Variants in TET2 observed in about 807,000 individuals in gnomAD.
TET2 encodes methylcytosine dioxygenase TET2.
Under a neutral mutation model 142.9 loss-of-function variants are expected in TET2, and 299 were observed. The ratio of observed to expected loss-of-function variants is 2.09; its 90% CI spans 1.90 to 2.30. The LOEUF (loss-of-function observed/expected upper bound fraction) is 2.30, where lower values mean the gene tolerates loss of function less well. Ranked by LOEUF, TET2 falls within the 30% of genes most tolerant of loss-of-function variation. TET2 has a pLI of 0.00. For synonymous variants in TET2, 819 were observed against 849.0 expected (o/e 0.96, Z 0.61); for missense variants, 2,418 against 2,378.0 (o/e 1.02, Z -0.35).
intron 9 of TET2, among the ~76,000 whole-genome samples, chr4:105,270,867 G>T (rs1232303632): frequency 6.6e-6 from 1 of 152,102 alleles, no homozygotes; most frequent in African/African-American, 2.4e-5. Flanking sequence ...TGAGAATATG[G>T]AAACAGATAT....
intron 1 of TET2, chr4:105,171,642 T>C (rs1724473400): frequency 6.6e-6 from 1 of 152,210 alleles, no homozygotes; most frequent in African/African-American, 2.4e-5. Context: ...GATGCAACTC[T>C]TGAGCTACAA....
chr4:105,273,372 C>CT (rs755936514), intron 10 of TET2, among the ~76,000 whole-genome samples: 7 of 152,120 alleles, frequency 4.6e-5, no homozygotes, highest in Non-Finnish European at 1.0e-4. Context: ...TAAACAGCAA[C>CT]TTTTTTTAAC....
At chr4:105,226,627 G>C (rs531960183) in intron 2 of TET2, among the ~76,000 whole-genome samples, 3 of 149,112 alleles carry the variant, frequency 2.0e-5, no homozygotes, top group African/African-American at 7.5e-5. Flanking sequence ...CCCTCCCTCT[G>C]TCCTTCCCTC....
intron 1 of TET2, among the ~76,000 whole-genome samples, chr4:105,188,151 T>G (rs1725566447): frequency 6.6e-6 from 1 of 152,200 alleles, no homozygotes; most frequent in South Asian, 2.1e-4. Flanking sequence ...ATAAACAGAA[T>G]GTGGTATAGA....
chr4:105,211,733 GGAGGCATA>G (rs1285887959), intron 2 of TET2, among the ~76,000 whole-genome samples: 2 of 152,170 alleles, frequency 1.3e-5, no homozygotes, highest in East Asian at 1.9e-4. Flanking sequence ...AGGAGTAAAT[GGAGGCATA>G]GAGGCATAGA....
intron 1 of TET2, among the ~76,000 whole-genome samples, chr4:105,163,844 AGAGAGAGAGAGTGTGTGTGTGT>A (rs1723996990): frequency 1.7e-5 from 2 of 118,606 alleles, no homozygotes; most frequent in East Asian, 2.0e-4. Context: ...AGAGAGAGAG[AGAGAGAGAGAGTGTGTGTGTGT>A]GTGTGTGTGT....
chr4:105,187,534 A>T (rs2110472450), intron 1 of TET2, among the ~76,000 whole-genome samples: 1 of 152,340 alleles, frequency 6.6e-6, no homozygotes, highest in Admixed American at 6.5e-5. Flanking sequence ...TTGTCATTTC[A>T]GATTCCTTTC....
At chr4:105,173,730 A>G (rs1307919668) in intron 1 of TET2, among the ~76,000 whole-genome samples, 1 of 152,218 alleles carries the variant, frequency 6.6e-6, no homozygotes, top group Non-Finnish European at 1.5e-5. Context: ...CCAGGAACCC[A>G]TTTATTCAAA....
intron 1 of TET2, among the ~76,000 whole-genome samples, chr4:105,175,961 C>G (rs1724768482): frequency 6.6e-6 from 1 of 152,024 alleles, no homozygotes; most frequent in East Asian, 1.9e-4. Flanking sequence ...CTGGACCTTG[C>G]AAAATTGTCC....
upstream of TET2, chr4:105,146,457 C>G (rs866903088): frequency 6.6e-6 from 1 of 152,404 alleles, no homozygotes; most frequent in Non-Finnish European, 1.5e-5. Flanking sequence ...GCGCACCACT[C>G]CCCCCGCGCC....
Position 105,275,698 on chromosome 4 carries a change from G to C in TET2, c.5188G>C (p.Asp1730His). Residue 1730 changes from aspartate to histidine, a missense_variant, in exon 11 of 11, where the codon GAT becomes CAT. By Grantham distance (81) the Asp-to-His change is moderately conservative. Coordinates refer to ENST00000380013, the MANE Select transcript of TET2 (RefSeq NM_001127208.3). Reference sequence around the variant, plus strand: ...GCCTCCTTATCCCACTCATGAGATGGATGGCCACTTCATGGGAGCCACCTC... The same window carrying C: ...GCCTCCTTATCCCACTCATGAGATGCATGGCCACTTCATGGGAGCCACCTC... ...KLPPYPTHEM[D>H]GHFMGATSRL... The C allele has an allele frequency of 6.4e-7, 1 of 1,551,814 alleles. No individual in the cohort carries two copies. Among genetic ancestry groups the C allele is most frequent in the South Asian group, 1.2e-5 (1 of 84,044 alleles).
intron 2 of TET2, among the ~76,000 whole-genome samples, chr4:105,229,746 C>T (rs1728395584): frequency 6.6e-6 from 1 of 150,778 alleles, no homozygotes; most frequent in African/African-American, 2.4e-5. Context: ...ATTATTATGG[C>T]CAGTTCATTA....
chr4:105,206,997 G>C (rs1414378494), intron 2 of TET2, among the ~76,000 whole-genome samples: 1 of 152,134 alleles, frequency 6.6e-6, no homozygotes, highest in Non-Finnish European at 1.5e-5. Flanking sequence ...GAGTAAACTT[G>C]TTTTTACATT....
At position 105,272,603 on chromosome 4, in the gene TET2, G is replaced by A; in HGVS notation, c.4222G>A (p.Gly1408Arg). Residue 1408 changes from glycine (G) to arginine (R), a missense_variant, in exon 10 of 11, where the codon GGA becomes AGA. By Grantham distance (125) the Gly-to-Arg change is moderately radical. Transcript: ENST00000380013. The stretch of plus-strand genomic sequence containing the variant: ...TAGAGAAGACAATCGAGAATTTGGA[G>A]GAAAACCTGAGGATGAGCAGCTTCA... ...LTREDNREFG[G>R]KPEDEQLHVL... 1 of 1,547,856 alleles carries A rather than the reference G, an allele frequency of 6.5e-7. No individual in the cohort carries two copies. The highest frequency in any genetic ancestry group is 8.7e-7 in the Non-Finnish European group (1 of 1,145,700).
At chr4:105,247,518 CTT>C (rs1362528388) in intron 6 of TET2, among the ~76,000 whole-genome samples, 6 of 152,044 alleles carry the variant, frequency 3.9e-5, no homozygotes, top group South Asian at 2.1e-4. Flanking sequence ...TCACAAGCCT[CTT>C]TTTATTTATA....
In TET2 at chr4:105,236,613, C is replaced by G; in HGVS notation, c.2671C>G (p.Gln891Glu). ...RCFQEQEQKS[Q>E]QASVLQGYKN... ...CTTTCAAGAACAGGAGCAGAAGTCA[C>G]AACAAGCTTCAGTTCTACAGGGATA... is the stretch of plus-strand genomic sequence containing the variant. The change falls in exon 3 of 11, where the codon CAA (glutamine) becomes GAA (glutamate). Residue 891 changes from glutamine (Q) to glutamate (E), a missense_variant. Gln to Glu is a conservative substitution (Grantham distance 29). Transcript: ENST00000380013. The G allele has an allele frequency of 6.2e-7, 1 of 1,614,054 alleles. No individual in the cohort carries two copies. The highest frequency in any genetic ancestry group is 2.2e-5 in the East Asian group (1 of 44,848).
At chr4:105,247,997 C>G (rs1051631440) in intron 6 of TET2, among the ~76,000 whole-genome samples, 1 of 152,138 alleles carries the variant, frequency 6.6e-6, no homozygotes, top group African/African-American at 2.4e-5. Flanking sequence ...GCTGGGATTA[C>G]AGGCATGAGC....
intron 2 of TET2, among the ~76,000 whole-genome samples, chr4:105,227,600 G>A (rs1728262860): frequency 7.7e-6 from 1 of 129,282 alleles, no homozygotes; most frequent in Admixed American, 7.0e-5. Flanking sequence ...AAAAATAGAA[G>A]GATGTTTAAT....
intron 2 of TET2, among the ~76,000 whole-genome samples, chr4:105,232,746 C>T (rs773618994): frequency 9.2e-5 from 14 of 152,076 alleles, no homozygotes; most frequent in African/African-American, 1.7e-4. Context: ...AGCCTGTATG[C>T]GGGGGGAAGA....
Sources: allele counts gnomAD v4.1 joint callset (sites outside exome capture counted in the v4.1 genomes callset), GRCh38; gene constraint gnomAD v4.1.1; transcripts MANE v1.5; gene names NCBI Gene and HGNC (gene_info 2026-07-23, HGNC 2026-07-21).